Variants in PSEN2 observed in about 807,000 individuals in gnomAD.
PSEN2 encodes presenilin 2.
Under a neutral mutation model 49.1 loss-of-function variants are expected in PSEN2, and 32 were observed. The observed-to-expected ratio is 0.65, with a 90% CI of 0.49 to 0.88. The LOEUF (loss-of-function observed/expected upper bound fraction) is 0.88, where lower values mean the gene tolerates loss of function less well. Ranked by LOEUF, PSEN2 falls within the 40% of genes least tolerant of loss-of-function variation. PSEN2 has a pLI of 0.00. For missense variants in PSEN2, 522 were observed against 586.9 expected, an observed-to-expected ratio of 0.89 and a Z score of 1.14; for synonymous variants, 255 against 244.0, an observed-to-expected ratio of 1.05 and a Z score of -0.42.
At position 226,892,889 on chromosome 1, in the gene PSEN2, C is replaced by A. The variant is rs139748552; in HGVS notation, c.1072+1045C>A. Reference sequence around the variant, plus strand: ...TTCAATAACTTGCTAGAATGACTCACAGAACTCAGGAAAGCACTACACTTA... The same window carrying A: ...TTCAATAACTTGCTAGAATGACTCAAAGAACTCAGGAAAGCACTACACTTA... On this transcript the variant is annotated intron_variant, in intron 11 of 12. Coordinates refer to ENST00000366783, the MANE Select transcript of PSEN2 (RefSeq NM_000447.3). Among the ~76,000 whole-genome samples the A allele has an allele frequency of 9.2e-5, 14 of 152,302 alleles. No individual in the cohort carries two copies. In the East Asian group the frequency reaches 2.5e-3, roughly 27 times the overall value.
At chr1:226,878,280 A>G (rs545689378) in intron 3 of PSEN2, among the ~76,000 whole-genome samples, 2 of 152,176 alleles carry the variant, frequency 1.3e-5, no homozygotes, top group East Asian at 3.9e-4. Context: ...GGGTTTCCCC[A>G]TGTTGGCTAG....
At chr1:226,882,157 AATG>A in intron 4 of PSEN2, 109 bp downstream of exon 4, 1 of 1,462,332 alleles carries the variant, frequency 6.8e-7, no homozygotes, top group Non-Finnish European at 9.3e-7. Flanking sequence ...GAAGGGAAGT[AATG>A]ATGAGGATTG....
rs781597971 is a variant in PSEN2 at position 226,885,571 on chromosome 1, G to A, written c.390G>A (p.Ser130=). Residue 130 remains serine, a synonymous_variant, in exon 6 of 13, where the codon TCG becomes TCA. Transcript: ENST00000366783. ...CGCCATTCACTGAGGACACACCCTC[G>A]GTGGGCCAGCGCCTCCTCAACTCCG... ...IYTPFTEDTP[S]VGQRLLNSVL... is the part of the protein sequence containing the mutation. 6.2e-6 allele frequency: 10 copies of A among 1,613,924 alleles called. No homozygotes were observed. The highest frequency in any genetic ancestry group is 1.7e-5 in the Admixed American group (1 of 59,998).
At chr1:226,874,414 G>T (rs1387405389) in intron 2 of PSEN2, among the ~76,000 whole-genome samples, 1 of 152,184 alleles carries the variant, frequency 6.6e-6, no homozygotes, top group Non-Finnish European at 1.5e-5. Context: ...ACTAGGTGGC[G>T]TTGATGGCCT....
At chr1:226,902,314 G>A (rs1662343823) in intron 12 of PSEN2, among the ~76,000 whole-genome samples, 1 of 152,130 alleles carries the variant, frequency 6.6e-6, no homozygotes, top group Admixed American at 6.5e-5. Flanking sequence ...CACCTGCTGT[G>A]CAGCCTGGTT....
Position 226,891,325 on chromosome 1 carries a change from CAG to C in PSEN2, c.935_936del (p.Gln312ArgfsTer17). 6.2e-7 allele frequency: 1 copy of C among 1,613,902 alleles called. No homozygotes were observed. The highest frequency in any genetic ancestry group is 2.2e-5 in the East Asian group (1 of 44,866). On this transcript the variant is annotated frameshift_variant, in exon 10 of 13. Coordinates refer to ENST00000366783, the MANE Select transcript of PSEN2 (RefSeq NM_000447.3). LOFTEE classifies it high-confidence loss of function. ...CATGGCGAAGCTGGACCCCTCCTCTCAGGGTGCCCTCCAGCTCCCCTACGACC... is the reference window on the plus strand; with the variant it reads ...CATGGCGAAGCTGGACCCCTCCTCTCGGTGCCCTCCAGCTCCCCTACGACC... ...VGMAKLDPSS[Q>X]GALQLPYDPE... is the part of the protein sequence containing the mutation.
intron 3 of PSEN2, chr1:226,880,675 G>A (rs1200343486): frequency 6.2e-7 from 1 of 1,612,912 alleles, no homozygotes; most frequent in Admixed American, 1.7e-5. Flanking sequence ...GATTTGCCAG[G>A]CATTGTTTGA....
chr1:226,899,791 ACCTAGGCTGGC>A (rs529861546), downstream of PSEN2, among the ~76,000 whole-genome samples: 776 of 152,218 alleles, frequency 5.1e-3, 9 homozygotes, highest in African/African-American at 0.017. Flanking sequence ...TCACCTCATG[ACCTAGGCTGGC>A]TGCTGTGTGC....
Position 226,883,804 on chromosome 1 carries a change from C to T in PSEN2, c.241C>T (p.Leu81Phe), listed in dbSNP as rs1405799988. The change falls in exon 5 of 13, where the codon CTC (leucine) becomes TTC (phenylalanine). Residue 81 changes from leucine to phenylalanine, a missense_variant. By Grantham distance (22) the Leu-to-Phe change is conservative. Coordinates refer to ENST00000366783, the MANE Select transcript of PSEN2 (RefSeq NM_000447.3). ...RPPGLEEELT[L>F]KYGAKHVIML... is the part of the protein sequence containing the mutation. ...GCCAGGCCTGGAGGAAGAGCTGACC[C>T]TCAAATACGGAGCGAAGCACGTGAT... The T allele has an allele frequency of 1.2e-6, 2 of 1,614,166 alleles. No homozygotes were observed. The highest frequency in any genetic ancestry group is 1.7e-6 in the Non-Finnish European group (2 of 1,180,032).
chr1:226,902,585 T>C (rs1389693926), intron 12 of PSEN2, among the ~76,000 whole-genome samples: 1 of 152,140 alleles, frequency 6.6e-6, no homozygotes, highest in Non-Finnish European at 1.5e-5. Context: ...AGGCAGGGGT[T>C]ATCTTCTCTG....
chr1:226,891,344 C>G lies in PSEN2; in HGVS notation c.953C>G (p.Pro318Arg). 6.2e-7 allele frequency: 1 copy of G among 1,613,474 alleles called. No homozygotes were observed. Among genetic ancestry groups the G allele is most frequent in the African/African-American group, 1.3e-5 (1 of 75,042 alleles). Residue 318 changes from proline (P) to arginine (R), a missense_variant, in exon 10 of 13, where the codon CCC becomes CGC. Physicochemically the swap from Pro to Arg is moderately radical, Grantham distance 103 (BLOSUM62 -2). Transcript: ENST00000366783. Reference protein sequence around the residue: ...DPSSQGALQLPYDPEMEEDSY... With the variant: ...DPSSQGALQLRYDPEMEEDSY... ...TCCTCTCAGGGTGCCCTCCAGCTCC[C>G]CTACGACCCGGAGATGGGTGAGTAT...
chr1:226,871,843 G>A (rs1660318180), intron 2 of PSEN2, among the ~76,000 whole-genome samples: 1 of 152,232 alleles, frequency 6.6e-6, no homozygotes, highest in African/African-American at 2.4e-5. Flanking sequence ...GTGGGCAGCC[G>A]GTGACTGGCG....
rs1222893058 is a variant in PSEN2, at chr1:226,883,828, A to T, written c.265A>T (p.Ile89Phe). The T allele has an allele frequency of 6.2e-7, 1 of 1,614,014 alleles. No homozygotes were observed. Residue 89 changes from isoleucine (I) to phenylalanine (F), a missense_variant, in exon 5 of 13, where the codon ATC (isoleucine) becomes TTC (phenylalanine). Ile to Phe is a conservative substitution (Grantham distance 21). Coordinates refer to ENST00000366783, the MANE Select transcript of PSEN2 (RefSeq NM_000447.3). ...LTLKYGAKHV[I>F]MLFVPVTLCM... is the part of the protein sequence containing the mutation. ...CCTCAAATACGGAGCGAAGCACGTGATCATGCTGTTTGTGCCTGTCACTCT... is the reference window on the plus strand; with the variant it reads ...CCTCAAATACGGAGCGAAGCACGTGTTCATGCTGTTTGTGCCTGTCACTCT...
chr1:226,893,866 A>C lies in PSEN2; in HGVS notation c.1073-141A>C, dbSNP rs377628773. 8.4e-4 allele frequency: 622 copies of C among 742,360 alleles called. 7 individuals are homozygous for C. The East Asian group carries it at 0.013, about 16-fold the overall frequency. The allele number at this position is 742,360 out of a possible 1,614,324, so 46.0% of individuals were successfully genotyped here. A position where few individuals can be genotyped will look rare whatever the true frequency, so the allele number is the denominator to read the frequency against. On this transcript the variant is annotated intron_variant, in intron 11 of 12. Transcript: ENST00000366783. ...TGGGGAGGCAGCTGTCCATGTCCCCAGTCCACATCTTAGCTTCTAGAGGCC... is the reference window on the plus strand; with the variant it reads ...TGGGGAGGCAGCTGTCCATGTCCCCCGTCCACATCTTAGCTTCTAGAGGCC...
intron 4 of PSEN2, 34 bp downstream of exon 4, chr1:226,882,082 A>G: frequency 6.2e-7 from 1 of 1,612,628 alleles, no homozygotes; most frequent in Admixed American, 1.7e-5. Context: ...GCCTTCAAAC[A>G]GGTCCCTGCG....
intron 2 of PSEN2, among the ~76,000 whole-genome samples, chr1:226,873,799 C>T (rs377258087): frequency 7.6e-4 from 116 of 152,280 alleles, no homozygotes; most frequent in African/African-American, 2.6e-3. Flanking sequence ...GGGAGGGAAC[C>T]GTAGGTGAAG....
chr1:226,878,153 C>T (rs140415143), intron 3 of PSEN2, among the ~76,000 whole-genome samples: 7,993 of 152,012 alleles, frequency 0.053, 359 homozygotes, highest in East Asian at 0.18. Context: ...GATCTCAGCT[C>T]ACTGCAGCCT....
In PSEN2 at chr1:226,894,504, C is replaced by G. The variant is rs567157206; in HGVS notation, c.1191+379C>G. ...ATTGCTTAAGGGCCTTGCCCATGGG[C>G]GCAAAGCTAGTGAGGACCATGTTTT... On this transcript the variant is annotated intron_variant, in intron 12 of 12. Transcript: ENST00000366783. Among the ~76,000 whole-genome samples, 241 of 152,346 alleles carry G rather than the reference C, an allele frequency of 1.6e-3. 1 individual carries two copies. The highest frequency in any genetic ancestry group is 5.8e-3 in the African/African-American group (240 of 41,582).
chr1:226,891,586 G>A (rs541841648), intron 10 of PSEN2, among the ~76,000 whole-genome samples, 157 bp from the exon 11 acceptor site: 1 of 152,318 alleles, frequency 6.6e-6, no homozygotes, highest in East Asian at 1.9e-4. Flanking sequence ...GCGTGGGTGG[G>A]TGGAGTGGGG....
Sources: allele counts gnomAD v4.1 joint callset (sites outside exome capture counted in the v4.1 genomes callset), GRCh38; gene constraint gnomAD v4.1.1; transcripts MANE v1.5; gene names NCBI Gene and HGNC (gene_info 2026-07-23, HGNC 2026-07-21).